Variants in SCAPER observed in about 807,000 individuals in gnomAD.
The protein encoded by SCAPER is S phase cyclin A-associated protein in the endoplasmic reticulum.
Under a neutral mutation model 182.2 loss-of-function variants are expected in SCAPER, and 98 were observed. That is an observed-to-expected ratio of 0.54 (90% CI 0.46 to 0.64). The LOEUF (loss-of-function observed/expected upper bound fraction) is 0.64, where lower values mean the gene tolerates loss of function less well. Among genes scored for constraint, SCAPER ranks in the 30% least tolerant of loss-of-function variants. The pLI, the probability that SCAPER is intolerant of heterozygous loss-of-function variation, is 0.00. For synonymous variants in SCAPER, 605 were observed against 564.6 expected (o/e 1.07, Z -1.01); for missense variants, 1,432 against 1,690.0 (o/e 0.85, Z 2.68).
Position 76,771,909 on chromosome 15 carries a change from G to A in SCAPER, c.1081C>T (p.Arg361Ter), listed in dbSNP as rs777893794. The change falls in exon 10 of 32, where the codon CGA becomes TGA. Residue 361 changes from arginine (R) to a stop codon, truncating the protein, a stop_gained. Coordinates refer to ENST00000563290, the MANE Select transcript of SCAPER (RefSeq NM_020843.4). LOFTEE classifies it high-confidence loss of function. ...TCAGAAGTTCGAACATAATTGTCTC[G>A]AATACTGCCAGAATTCTTCACATCA... ...LDDVKNSGSIRDNYVRTSEIS... is the reference protein window; with the variant it reads ...LDDVKNSGSI 2 of 1,612,278 alleles carry A rather than the reference G, an allele frequency of 1.2e-6. No homozygotes were observed. Among genetic ancestry groups the A allele is most frequent in the Non-Finnish European group, 1.7e-6 (2 of 1,179,318 alleles).
Position 76,765,077 on chromosome 15 carries a change from T to C in SCAPER, c.1614-5A>G. ...TTCTTAGATTCTGCAATTGTTCTAT[T>C]AATACAAACAAATGGACAAGAGACA... On this transcript the variant is annotated splice_polypyrimidine_tract_variant and splice_region_variant and intron_variant, in intron 13 of 31. Transcript: ENST00000563290. The C allele has an allele frequency of 1.3e-6, 2 of 1,536,208 alleles. No individual in the cohort carries two copies. The highest frequency in any genetic ancestry group is 1.2e-5 in the South Asian group (1 of 83,816).
At chr15:76,773,401 A>C (rs2063574312) in intron 9 of SCAPER, among the ~76,000 whole-genome samples, 1 of 151,946 alleles carries the variant, frequency 6.6e-6, no homozygotes, top group African/African-American at 2.4e-5. Context: ...CACACATTGC[A>C]TAATTTTTAT....
In SCAPER at chr15:76,715,841, G is replaced by A. The variant is rs202242125; in HGVS notation, c.2166-9857C>T. 2.6e-5 allele frequency among the ~76,000 whole-genome samples: 4 copies of A among 152,152 alleles called. No homozygotes were observed. The East Asian group carries it at 7.7e-4, about 29-fold the overall frequency. ...CCAGCCCCCTGGGCCCAAGCTGCTA[G>A]GGTATGCCCCACAGAAACAAACACT... is the stretch of plus-strand genomic sequence containing the variant. On this transcript the variant is annotated intron_variant, in intron 17 of 31. Coordinates refer to ENST00000563290, the MANE Select transcript of SCAPER (RefSeq NM_020843.4).
intron 23 of SCAPER, among the ~76,000 whole-genome samples, chr15:76,571,113 A>G (rs896124788): frequency 6.6e-6 from 1 of 152,172 alleles, no homozygotes; most frequent in Admixed American, 6.5e-5. Flanking sequence ...ACACGATGAC[A>G]CTTGTAAACC....
At chr15:76,766,752 G>C (rs1356016003) in intron 11 of SCAPER, among the ~76,000 whole-genome samples, 166 bp downstream of exon 11, 1 of 152,206 alleles carries the variant, frequency 6.6e-6, no homozygotes, top group Non-Finnish European at 1.5e-5. Context: ...ATTGTTTATT[G>C]TGTAAGTCTA....
At chr15:76,612,500 T>G (rs574183930) in intron 22 of SCAPER, among the ~76,000 whole-genome samples, 1 of 152,228 alleles carries the variant, frequency 6.6e-6, no homozygotes, top group East Asian at 1.9e-4. Context: ...CCTACCAGAG[T>G]GTTGTGATTA....
chr15:76,770,740 A>T (rs1283269011), intron 10 of SCAPER, among the ~76,000 whole-genome samples: 1 of 152,174 alleles, frequency 6.6e-6, no homozygotes, highest in Non-Finnish European at 1.5e-5. Context: ...TTTGATATAC[A>T]ACTGCTAAAA....
intron 5 of SCAPER, among the ~76,000 whole-genome samples, chr15:76,812,547 G>C (rs999779984): frequency 1.4e-4 from 21 of 150,340 alleles, no homozygotes; most frequent in African/African-American, 4.9e-4. Flanking sequence ...AGAGTTGGTT[G>C]TATTTTTTAA....
chr15:76,553,707 A>G (rs2045965512), intron 23 of SCAPER, among the ~76,000 whole-genome samples: 1 of 152,162 alleles, frequency 6.6e-6, no homozygotes, highest in African/African-American at 2.4e-5. Context: ...ACAGCCAAGG[A>G]GTCCTGAGCT....
At chr15:76,467,987 T>C (rs1297990611) in intron 25 of SCAPER, among the ~76,000 whole-genome samples, 1 of 152,142 alleles carries the variant, frequency 6.6e-6, no homozygotes, top group Non-Finnish European at 1.5e-5. Context: ...TAACACCAGA[T>C]CACAATTAAT....
intron 18 of SCAPER, 72 bp downstream of exon 18, chr15:76,705,830 TC>T: frequency 1.0e-6 from 1 of 975,378 alleles, no homozygotes; most frequent in South Asian, 1.6e-5. Context: ...TCAATTTTTT[TC>T]CTACAAAATT....
chr15:76,613,193 T>C (rs766926742), intron 22 of SCAPER, among the ~76,000 whole-genome samples: 5 of 152,138 alleles, frequency 3.3e-5, no homozygotes, highest in Admixed American at 6.5e-5. Flanking sequence ...ATTCAATAAA[T>C]GGTGTGGGGA....
intron 18 of SCAPER, 113 bp from the exon 19 acceptor site, chr15:76,703,115 G>T: frequency 1.7e-6 from 2 of 1,156,204 alleles, no homozygotes; most frequent in Non-Finnish European, 2.4e-6. Context: ...TCGTTTCTAT[G>T]ACAACTTACA....
intron 24 of SCAPER, among the ~76,000 whole-genome samples, chr15:76,490,321 C>T (rs1053530263): frequency 9.9e-5 from 15 of 152,096 alleles, no homozygotes; most frequent in African/African-American, 2.9e-4. Flanking sequence ...GTTTTGTTAA[C>T]GACCATCCTA....
chr15:76,617,820 T>A (rs184599111), intron 22 of SCAPER, among the ~76,000 whole-genome samples: 35 of 152,312 alleles, frequency 2.3e-4, no homozygotes, highest in Non-Finnish European at 3.7e-4. Context: ...CACTTCTTGA[T>A]AGGAGAAACA....
rs1358172957 is a variant in SCAPER, at chr15:76,489,245, C to A, written c.2954+15614G>T. Among the ~76,000 whole-genome samples the A allele has an allele frequency of 7.3e-5, 10 of 136,750 alleles. 1 individual carries two copies. Among genetic ancestry groups the A allele is most frequent in the Admixed American group, 3.6e-4 (5 of 14,004 alleles). 89.7% of individuals were successfully genotyped at this position (136,750 alleles called of 152,430 possible). On this transcript the variant is annotated intron_variant, in intron 24 of 31. Coordinates refer to ENST00000563290, the MANE Select transcript of SCAPER (RefSeq NM_020843.4). ...TGCCATTAAAAGTAACAGAAAAAAACCACAATTACTTTTGCACCAACCTAA... is the reference window on the plus strand; with the variant it reads ...TGCCATTAAAAGTAACAGAAAAAAAACACAATTACTTTTGCACCAACCTAA...
At chr15:76,651,761 C>G (rs1433457318) in intron 21 of SCAPER, among the ~76,000 whole-genome samples, 1 of 147,016 alleles carries the variant, frequency 6.8e-6, no homozygotes, top group African/African-American at 2.5e-5. Flanking sequence ...CTCCCTATCT[C>G]ATTCTATGAA....
At chr15:76,422,997 T>C (rs1186285279) in intron 26 of SCAPER, among the ~76,000 whole-genome samples, 1 of 152,198 alleles carries the variant, frequency 6.6e-6, no homozygotes, top group Non-Finnish European at 1.5e-5. Flanking sequence ...ATAAGCTTTT[T>C]GATGTGCTGC....
intron 1 of SCAPER, among the ~76,000 whole-genome samples, chr15:76,899,032 T>C (rs2074594685): frequency 6.6e-6 from 1 of 152,244 alleles, no homozygotes; most frequent in Non-Finnish European, 1.5e-5. Context: ...CATAACTAAG[T>C]ACCACCTATA....
Sources: gnomAD v4.1 joint callset for allele counts (sites outside exome capture counted in the v4.1 genomes callset) on GRCh38, gnomAD v4.1.1 for gene constraint, MANE v1.5 for transcripts, NCBI Gene and HGNC (gene_info 2026-07-23, HGNC 2026-07-21) for gene names.